PLCL1: variants seen among roughly 807,000 people sequenced by gnomAD.
PLCL1 encodes the protein phospholipase C like 1 (inactive).
A neutral mutation model predicts 84.4 loss-of-function variants in PLCL1; 41 were observed. The ratio of observed to expected loss-of-function variants is 0.49; its 90% CI spans 0.38 to 0.63. The LOEUF (loss-of-function observed/expected upper bound fraction) is 0.63, where lower values mean the gene tolerates loss of function less well. Among genes scored for constraint, PLCL1 ranks in the 30% least tolerant of loss-of-function variants. The pLI is 0.00. For synonymous variants in PLCL1, 490 were observed against 488.3 expected, an observed-to-expected ratio of 1.00 and a Z score of -0.05; for missense variants, 1,206 against 1,367.8, an observed-to-expected ratio of 0.88 and a Z score of 1.87.
intron 1 of PLCL1, among the ~76,000 whole-genome samples, chr2:198,018,260 C>T (rs772452121): frequency 6.6e-6 from 1 of 152,172 alleles, no homozygotes; most frequent in Non-Finnish European, 1.5e-5. Flanking sequence ...CCCTCAGGTG[C>T]CTACACCACA....
At chr2:197,848,392 T>C (rs1482090597) in intron 1 of PLCL1, among the ~76,000 whole-genome samples, 2 of 152,196 alleles carry the variant, frequency 1.3e-5, no homozygotes, top group African/African-American at 4.8e-5. Context: ...ACGTCAGGAT[T>C]AGAAATGGGC....
At chr2:198,100,109 A>G (rs1032013143) in intron 3 of PLCL1, among the ~76,000 whole-genome samples, 2 of 152,158 alleles carry the variant, frequency 1.3e-5, no homozygotes, top group African/African-American at 4.8e-5. Flanking sequence ...TATTGCACAC[A>G]CATATGTGGG....
rs1262284173 is a variant in PLCL1 at position 197,805,935 on chromosome 2, T to C, written c.240+596T>C. 6.6e-6 allele frequency among the ~76,000 whole-genome samples: 1 copy of C among 152,210 alleles called. No individual in the cohort carries two copies. Among genetic ancestry groups the C allele is most frequent in the Non-Finnish European group, 1.5e-5 (1 of 68,038 alleles). ...CAATCAATCCCCCAAGCATTATCAC[T>C]GGTCCTTGTGGTTACCACCACATCC... On this transcript the variant is annotated intron_variant, in intron 1 of 5. Transcript: ENST00000428675. This position sits in a 1 kb window ranked among gnomAD's most constrained non-coding sequence, Gnocchi z 4.0.
At chr2:197,914,266 A>T (rs144482723) in intron 1 of PLCL1, among the ~76,000 whole-genome samples, 68 of 152,192 alleles carry the variant, frequency 4.5e-4, no homozygotes, top group African/African-American at 1.6e-3. Flanking sequence ...CAAAAAGTGA[A>T]TATCTGATTT....
chr2:198,049,598 A>G (rs1174435321), intron 1 of PLCL1, among the ~76,000 whole-genome samples: 1 of 152,176 alleles, frequency 6.6e-6, no homozygotes, highest in African/African-American at 2.4e-5. Flanking sequence ...GTGCTGTCCA[A>G]TACTCCAGGG....
At chr2:198,060,909 A>C (rs962224804) in intron 1 of PLCL1, among the ~76,000 whole-genome samples, 2 of 152,194 alleles carry the variant, frequency 1.3e-5, no homozygotes, top group African/African-American at 4.8e-5. Flanking sequence ...GGATCAATGC[A>C]CTGATATTGA....
At chr2:197,837,279 A>G (rs753489767) in intron 1 of PLCL1, among the ~76,000 whole-genome samples, 19 of 152,226 alleles carry the variant, frequency 1.2e-4, no homozygotes, top group Admixed American at 7.9e-4. Flanking sequence ...AAAGGGTTTT[A>G]TATGCATTAA....
intron 1 of PLCL1, among the ~76,000 whole-genome samples, chr2:197,858,507 T>C (rs766240743): frequency 1.5e-4 from 23 of 152,310 alleles, no homozygotes; most frequent in Non-Finnish European, 2.8e-4. Flanking sequence ...TTTATAATTA[T>C]ATGTTTACTT....
intron 1 of PLCL1, among the ~76,000 whole-genome samples, chr2:198,006,939 A>G (rs758078499): frequency 1.2e-4 from 18 of 152,170 alleles, no homozygotes; most frequent in Non-Finnish European, 2.1e-4. Context: ...AGTCACCCCT[A>G]TATCTCTGCA....
chr2:198,017,125 G>A (rs1413871988), intron 1 of PLCL1, among the ~76,000 whole-genome samples: 1 of 152,078 alleles, frequency 6.6e-6, no homozygotes, highest in Non-Finnish European at 1.5e-5. Context: ...TGCCAAAATT[G>A]CCCAGTGTAT....
intron 1 of PLCL1, among the ~76,000 whole-genome samples, chr2:197,995,205 A>G (rs1237859432): frequency 1.3e-5 from 2 of 152,152 alleles, no homozygotes; most frequent in East Asian, 1.9e-4. Flanking sequence ...ATTTTAGGTA[A>G]AAAGCTTTTT....
chr2:197,898,771 T>C (rs1391394537), intron 1 of PLCL1, among the ~76,000 whole-genome samples: 1 of 150,866 alleles, frequency 6.6e-6, no homozygotes, highest in Non-Finnish European at 1.5e-5. Flanking sequence ...TGTTCGAACC[T>C]GAACTCTGAT....
At chr2:197,817,731 T>C (rs1574894354) in intron 1 of PLCL1, among the ~76,000 whole-genome samples, 2 of 152,112 alleles carry the variant, frequency 1.3e-5, no homozygotes, top group Admixed American at 1.3e-4. Flanking sequence ...TTGAGGTTTC[T>C]GAAAGGAGTG....
chr2:197,825,790 T>C (rs1690916464), intron 1 of PLCL1, among the ~76,000 whole-genome samples: 2 of 152,232 alleles, frequency 1.3e-5, no homozygotes, highest in South Asian at 4.1e-4. Flanking sequence ...TCATAAAATT[T>C]TTCCTGAGCC....
chr2:197,992,043 A>AT (rs112631242), intron 1 of PLCL1, among the ~76,000 whole-genome samples: 592 of 142,062 alleles, frequency 4.2e-3, no homozygotes, highest in African/African-American at 0.012. Flanking sequence ...CTCAGCATTC[A>AT]TTTTTTTTTT....
chr2:198,056,244 A>G (rs1259167215), intron 1 of PLCL1, among the ~76,000 whole-genome samples: 2 of 152,152 alleles, frequency 1.3e-5, no homozygotes, highest in African/African-American at 4.8e-5. Context: ...TAGCAACAGA[A>G]TTTTTCATCA....
chr2:197,915,618 T>C (rs1688582181), intron 1 of PLCL1, among the ~76,000 whole-genome samples: 1 of 152,132 alleles, frequency 6.6e-6, no homozygotes, highest in Non-Finnish European at 1.5e-5. Context: ...ATCTTTCTTC[T>C]TCATAGCATG....
chr2:197,970,193 G>A (rs1689832104), intron 1 of PLCL1, among the ~76,000 whole-genome samples: 1 of 152,146 alleles, frequency 6.6e-6, no homozygotes, highest in Non-Finnish European at 1.5e-5. Flanking sequence ...ATCTGATAAG[G>A]GCCTTCTTGC....
At chr2:197,839,167 C>G (rs1312849596) in intron 1 of PLCL1, among the ~76,000 whole-genome samples, 1 of 152,180 alleles carries the variant, frequency 6.6e-6, no homozygotes, top group Non-Finnish European at 1.5e-5. Flanking sequence ...AAACATTTCA[C>G]TAACACAAGA....
Sources: allele counts gnomAD v4.1 joint callset (sites outside exome capture counted in the v4.1 genomes callset), GRCh38; gene constraint gnomAD v4.1.1; non-coding constraint Gnocchi (gnomAD v3.1); transcripts MANE v1.5; gene names NCBI Gene and HGNC (gene_info 2026-07-23, HGNC 2026-07-21).